Variants in SVEP1 observed in about 807,000 individuals in gnomAD.
SVEP1 encodes sushi, von Willebrand factor type A, EGF and pentraxin domain-containing protein 1.
SVEP1 carries 164 observed loss-of-function variants against 367.3 expected under a neutral mutation model. The observed-to-expected ratio is 0.45, with a 90% confidence interval of 0.39 to 0.51. The LOEUF (loss-of-function observed/expected upper bound fraction) is 0.51. SVEP1 is among the 20% of genes least tolerant of loss of function. The probability of loss-of-function intolerance (pLI) is 0.00; values close to 1 mark genes in which losing one functional copy is unlikely to be tolerated. For synonymous variants in SVEP1, 1,666 were observed against 1,611.6 expected (o/e 1.03, Z -0.81); for missense variants, 4,117 against 4,425.3 (o/e 0.93, Z 1.98).
In SVEP1 at chr9:110,579,521, CA is replaced by C; in HGVS notation, c.22del (p.Cys8ValfsTer118). 1.2e-6 allele frequency: 2 copies of C among 1,604,078 alleles called. No homozygotes were observed. Among genetic ancestry groups the C allele is most frequent in the Admixed American group, 1.7e-5 (1 of 59,312 alleles). On this transcript the variant is annotated frameshift_variant, in exon 1 of 48. Coordinates refer to ENST00000374469, the MANE Select transcript of SVEP1 (RefSeq NM_153366.4). LOFTEE classifies it high-confidence loss of function. The surrounding 1 kb of genome is among the most constrained non-coding windows in gnomAD (Gnocchi z 5.3). MWPRLAFCCWGLALVSGW... is the reference protein window; with the variant it reads MWPRLAFXCWGLALVSGW... ...CGAAACGAGCGCCAGACCCCAGCAA[CA>C]AAAGGCCAGGCGAGGCCACATCGCG...
chr9:110,408,702 T>C lies in SVEP1; in HGVS notation c.6898A>G (p.Ser2300Gly), dbSNP rs1183257834. The change falls in exon 38 of 48, where the codon AGT (serine) becomes GGT (glycine). Residue 2300 changes from serine to glycine, a missense_variant. Coordinates refer to ENST00000374469, the MANE Select transcript of SVEP1 (RefSeq NM_153366.4). Reference sequence around the variant, plus strand: ...CCAGATTTCTGACATGTCCAAGAACTGTCACCAACAAGCTCATAACCCTCA... The same window carrying C: ...CCAGATTTCTGACATGTCCAAGAACCGTCACCAACAAGCTCATAACCCTCA... ...CNEGYELVGD[S>G]SWTCQKSGKW... The C allele has an allele frequency of 6.2e-7, 1 of 1,614,026 alleles. No homozygotes were observed. The highest frequency in any genetic ancestry group is 2.2e-5 in the East Asian group (1 of 44,890).
rs186593641 is a variant in SVEP1 at position 110,464,673 on chromosome 9, A to T, written c.3322+1192T>A. Among the ~76,000 whole-genome samples the T allele has an allele frequency of 4.6e-5, 7 of 152,324 alleles. No homozygotes were observed. The East Asian group carries it at 1.2e-3, about 25-fold the overall frequency. ...ACCAGTAGGTTGGCTTCTTAAAAACATCATTCAATGTGGGAACAGCTTCTT... is the reference window on the plus strand; with the variant it reads ...ACCAGTAGGTTGGCTTCTTAAAAACTTCATTCAATGTGGGAACAGCTTCTT... On this transcript the variant is annotated intron_variant, in intron 18 of 47. Transcript: ENST00000374469.
At chr9:110,501,324 CAT>C (rs1829525346) in intron 6 of SVEP1, among the ~76,000 whole-genome samples, 2 of 151,486 alleles carry the variant, frequency 1.3e-5, no homozygotes, top group South Asian at 4.1e-4. Context: ...GTTATTCTGA[CAT>C]ATTTTATATT....
At chr9:110,445,549 T>C (rs1330961180) in intron 26 of SVEP1, among the ~76,000 whole-genome samples, 1 of 152,218 alleles carries the variant, frequency 6.6e-6, no homozygotes. Flanking sequence ...AACTTTATTC[T>C]ACTGTCTATA....
chr9:110,397,178 G>C (rs1328756087), intron 40 of SVEP1, among the ~76,000 whole-genome samples: 3 of 152,118 alleles, frequency 2.0e-5, no homozygotes, highest in African/African-American at 7.2e-5. Context: ...GGGATGCAAG[G>C]CTGGTTCAAC....
In SVEP1 at chr9:110,431,931, A is replaced by G. The variant is rs1230065782; in HGVS notation, c.5337T>C (p.Asp1779=). Reference sequence around the variant, plus strand: ...ATTGGTTACCTGCACAGTTTTTCCCATCTCCTGTGTACGGTGGGACACATG... The same window carrying G: ...ATTGGTTACCTGCACAGTTTTTCCCGTCTCCTGTGTACGGTGGGACACATG... ...ICSCVPPYTG[D]GKNCAEPIKC... is the part of the protein sequence containing the mutation. Residue 1779 remains aspartate, a synonymous_variant, in exon 32 of 48, where the codon GAT becomes GAC. Transcript: ENST00000374469. The G allele has an allele frequency of 7.4e-6, 12 of 1,613,652 alleles. No homozygotes were observed. Among genetic ancestry groups the G allele is most frequent in the South Asian group, 1.1e-5 (1 of 91,072 alleles).
At chr9:110,570,970 CTTTTTTTTTTTTTT>C (rs374900472) in intron 1 of SVEP1, among the ~76,000 whole-genome samples, 28 of 114,906 alleles carry the variant, frequency 2.4e-4, no homozygotes, top group African/African-American at 4.4e-4. Context: ...CAGATGGCTC[CTTTTTTTTTTTTTT>C]TTTTTTTTTT....
At chr9:110,377,412 G>T (rs1234143674) in intron 44 of SVEP1, 46 bp from the exon 45 acceptor site, 2 of 1,567,496 alleles carry the variant, frequency 1.3e-6, no homozygotes, top group Non-Finnish European at 8.8e-7. Flanking sequence ...AATTATGAAG[G>T]GAAGGAGTCA....
intron 9 of SVEP1, among the ~76,000 whole-genome samples, chr9:110,484,888 C>T (rs1829253183): frequency 1.3e-5 from 2 of 152,102 alleles, no homozygotes; most frequent in Non-Finnish European, 2.9e-5. Context: ...AATGAGATAC[C>T]ATCTCACGTC....
intron 1 of SVEP1, among the ~76,000 whole-genome samples, chr9:110,564,879 A>G (rs1031567002): frequency 1.3e-5 from 2 of 151,742 alleles, no homozygotes; most frequent in Non-Finnish European, 2.9e-5. Context: ...TTGACTTTTA[A>G]AATTATTTTG....
At chr9:110,471,246 C>T (rs759607169) in intron 16 of SVEP1, 118 bp downstream of exon 16, 18 of 847,398 alleles carry the variant, frequency 2.1e-5, no homozygotes, top group Non-Finnish European at 3.1e-5. Context: ...ATAACAACCA[C>T]ACAACAAGAG....
At chr9:110,507,665 T>C (rs762783933) in intron 5 of SVEP1, among the ~76,000 whole-genome samples, 8 of 152,204 alleles carry the variant, frequency 5.3e-5, no homozygotes, top group Non-Finnish European at 1.0e-4. Flanking sequence ...TTTATGCAAA[T>C]AGAATCTTTA....
chr9:110,453,955 A>G (rs894734739), intron 22 of SVEP1, among the ~76,000 whole-genome samples: 10 of 147,144 alleles, frequency 6.8e-5, no homozygotes, highest in African/African-American at 5.0e-5. Context: ...GCCTTTTCTG[A>G]TGATTAGCGA....
At chr9:110,519,503 C>T (rs558469522) in intron 3 of SVEP1, among the ~76,000 whole-genome samples, 2 of 152,152 alleles carry the variant, frequency 1.3e-5, no homozygotes, top group Non-Finnish European at 2.9e-5. Flanking sequence ...GTTGCCTTCT[C>T]GCGGAACCCA....
chr9:110,542,977 T>A (rs28684739), intron 3 of SVEP1, among the ~76,000 whole-genome samples: 9,870 of 142,766 alleles, frequency 0.069, 409 homozygotes, highest in Admixed American at 0.13. Context: ...AAAAAAAATA[T>A]ATATATATAT....
rs367662908 is a variant in SVEP1 at position 110,394,616 on chromosome 9, C to T, written c.9823-5029G>A. Among the ~76,000 whole-genome samples, 16 of 152,164 alleles carry T rather than the reference C, an allele frequency of 1.1e-4. No homozygotes were observed. The East Asian group carries it at 1.5e-3, about 15-fold the overall frequency. On this transcript the variant is annotated intron_variant, in intron 40 of 47. Transcript: ENST00000374469. Reference sequence around the variant, plus strand: ...TTAACAACTTTGAAAAAAAATTAGACGAATGGATAACTAGAATAACCAATG... The same window carrying T: ...TTAACAACTTTGAAAAAAAATTAGATGAATGGATAACTAGAATAACCAATG...
At chr9:110,562,403 A>G (rs1233903964) in intron 1 of SVEP1, among the ~76,000 whole-genome samples, 2 of 152,300 alleles carry the variant, frequency 1.3e-5, no homozygotes, top group South Asian at 2.1e-4. Flanking sequence ...TTCCTATACA[A>G]TATGATCAAG....
Position 110,457,288 on chromosome 9 carries a change from C to A in SVEP1, c.3641G>T (p.Gly1214Val), listed in dbSNP as rs759984858. ...NSGTCQQLGR[G>V]YVCLCPLGYT... Reference sequence around the variant, plus strand: ...TCCAAGTGGACAGAGACAAACATAACCACGCCCAAGTTGCTGGCAGGTTCC... The same window carrying A: ...TCCAAGTGGACAGAGACAAACATAAACACGCCCAAGTTGCTGGCAGGTTCC... Residue 1214 changes from glycine (G) to valine (V), a missense_variant, in exon 21 of 48, where the codon GGT becomes GTT. This residue lies in a region of SVEP1 where 2,174 missense variants were observed against 2,494.3 expected (regional missense o/e 0.87). Transcript: ENST00000374469. The A allele has an allele frequency of 6.2e-7, 1 of 1,612,532 alleles. No individual in the cohort carries two copies. The highest frequency in any genetic ancestry group is 1.7e-5 in the Admixed American group (1 of 59,554).
In SVEP1 at chr9:110,457,304, G is replaced by C; in HGVS notation, c.3625C>G (p.Gln1209Glu). 1 of 1,612,642 alleles carries C rather than the reference G, an allele frequency of 6.2e-7. No individual in the cohort carries two copies. The highest frequency in any genetic ancestry group is 8.5e-7 in the Non-Finnish European group (1 of 1,179,600). The change falls in exon 21 of 48, where the codon CAG (glutamine) becomes GAG (glutamate). Residue 1209 changes from glutamine (Q) to glutamate (E), a missense_variant. Transcript: ENST00000374469. ...CAAACATAACCACGCCCAAGTTGCT[G>C]GCAGGTTCCACTATTGTGGCAAGGG... ...FNPCHNSGTC[Q>E]QLGRGYVCLC...
Sources: gnomAD v4.1 joint callset for allele counts (sites outside exome capture counted in the v4.1 genomes callset) on GRCh38, gnomAD v4.1.1 for gene constraint, gnomAD v4.1.1 regional missense constraint, Gnocchi (gnomAD v3.1) non-coding constraint, MANE v1.5 for transcripts, NCBI Gene and HGNC (gene_info 2026-07-23, HGNC 2026-07-21) for gene names.